The following PLCL2 variants were observed in gnomAD, a reference collection of about 807,000 sequenced individuals.
The protein encoded by PLCL2 is phospholipase C like 2, also known as inactive phospholipase C-like protein 2.
A neutral mutation model predicts 79.6 loss-of-function variants in PLCL2; 4 were observed. That is an observed-to-expected ratio of 0.05 (90% CI 0.02 to 0.11). PLCL2 has a LOEUF of 0.11. Ranked by LOEUF, PLCL2 falls within the 10% of genes least tolerant of loss-of-function variation. The pLI, the probability that PLCL2 is intolerant of heterozygous loss-of-function variation, is 1.00. For synonymous variants in PLCL2, 484 were observed against 457.7 expected, an observed-to-expected ratio of 1.06 and a Z score of -0.73; for missense variants, 895 against 1,291.0, an observed-to-expected ratio of 0.69 and a Z score of 4.70.
chr3:16,945,816 T>C (rs945090498), intron 1 of PLCL2, among the ~76,000 whole-genome samples: 2 of 152,228 alleles, frequency 1.3e-5, no homozygotes, highest in Admixed American at 1.3e-4. Context: ...GGTTCCACTT[T>C]ATGAATGAAG....
chr3:17,029,974 T>A (rs1301897278), intron 3 of PLCL2, among the ~76,000 whole-genome samples: 1 of 152,150 alleles, frequency 6.6e-6, no homozygotes, highest in Non-Finnish European at 1.5e-5. Context: ...ACCACCCAGG[T>A]ATGTATGCAT....
chr3:16,889,305 A>G (rs1267852950), intron 1 of PLCL2, among the ~76,000 whole-genome samples: 1 of 152,158 alleles, frequency 6.6e-6, no homozygotes, highest in African/African-American at 2.4e-5. Context: ...TTGCTTCCCC[A>G]CATTACAGTG....
intron 1 of PLCL2, among the ~76,000 whole-genome samples, chr3:16,922,718 AAAAT>A (rs1697151578): frequency 6.6e-6 from 1 of 151,792 alleles, no homozygotes; most frequent in East Asian, 1.9e-4. Flanking sequence ...CATAGTAATA[AAAAT>A]AAAAATATTA....
At chr3:16,938,267 T>C (rs749026090) in intron 1 of PLCL2, among the ~76,000 whole-genome samples, 4 of 152,238 alleles carry the variant, frequency 2.6e-5, no homozygotes, top group Non-Finnish European at 5.9e-5. Flanking sequence ...GTAAATACCT[T>C]GTAATGCAGT....
intron 1 of PLCL2, among the ~76,000 whole-genome samples, chr3:16,901,102 A>G (rs926467719): frequency 6.6e-6 from 1 of 152,182 alleles, no homozygotes; most frequent in African/African-American, 2.4e-5. Flanking sequence ...GCTTATTTTG[A>G]TAAGGCAGAG....
intron 5 of PLCL2, among the ~76,000 whole-genome samples, chr3:17,089,350 G>A (rs1055231814): frequency 6.6e-6 from 1 of 152,090 alleles, no homozygotes; most frequent in Non-Finnish European, 1.5e-5. Context: ...GTATCCTTCT[G>A]TGAGTTTATA....
intron 1 of PLCL2, among the ~76,000 whole-genome samples, chr3:16,960,072 T>TGCACC (rs1032687918): frequency 6.6e-6 from 1 of 151,850 alleles, no homozygotes; most frequent in Admixed American, 6.6e-5. Flanking sequence ...GCCACTGCAC[T>TGCACC]CCAGCGTGGG....
At chr3:17,019,627 T>C (rs1029085149) in intron 3 of PLCL2, among the ~76,000 whole-genome samples, 17 of 152,310 alleles carry the variant, frequency 1.1e-4, no homozygotes, top group African/African-American at 3.8e-4. Context: ...TTTTTGTTCT[T>C]GTGCCCCATA....
intron 3 of PLCL2, among the ~76,000 whole-genome samples, chr3:17,037,635 G>A (rs890823979): frequency 1.3e-5 from 2 of 151,848 alleles, no homozygotes; most frequent in Admixed American, 1.3e-4. Context: ...CTGAAACTGA[G>A]ATTCAAAACA....
At chr3:16,929,780 C>A (rs1238569947) in intron 1 of PLCL2, among the ~76,000 whole-genome samples, 1 of 152,174 alleles carries the variant, frequency 6.6e-6, no homozygotes, top group East Asian at 1.9e-4. Flanking sequence ...GACATAGGAA[C>A]TATTTGAGTA....
At chr3:16,901,424 A>G (rs147352230) in intron 1 of PLCL2, among the ~76,000 whole-genome samples, 2 of 152,336 alleles carry the variant, frequency 1.3e-5, no homozygotes, top group African/African-American at 4.8e-5. Flanking sequence ...CCAAGTCTGC[A>G]TCCTCGACTT....
At chr3:16,948,114 A>T (rs1349229459) in intron 1 of PLCL2, among the ~76,000 whole-genome samples, 1 of 152,252 alleles carries the variant, frequency 6.6e-6, no homozygotes, top group Non-Finnish European at 1.5e-5. Context: ...AAAGCAGCCC[A>T]AATATTCATC....
chr3:16,966,855 A>C (rs965967944), intron 1 of PLCL2, among the ~76,000 whole-genome samples: 49 of 151,796 alleles, frequency 3.2e-4, no homozygotes, highest in African/African-American at 1.1e-3. Flanking sequence ...TTGATGTGCA[A>C]ATTATTTCAT....
At chr3:16,994,369 T>G (rs1221274840) in intron 1 of PLCL2, among the ~76,000 whole-genome samples, 2 of 152,040 alleles carry the variant, frequency 1.3e-5, no homozygotes, top group African/African-American at 4.8e-5. Context: ...TGGCTTTTAA[T>G]TAAAAAAAAA....
intron 1 of PLCL2, among the ~76,000 whole-genome samples, chr3:16,970,058 A>ATTT (rs139259596): frequency 1.4e-5 from 2 of 145,756 alleles, no homozygotes; most frequent in East Asian, 2.0e-4. Context: ...ATATATATAT[A>ATTT]TTTTATTTTA....
intron 1 of PLCL2, among the ~76,000 whole-genome samples, chr3:16,962,494 C>G (rs928227001): frequency 6.7e-6 from 1 of 150,306 alleles, no homozygotes; most frequent in Non-Finnish European, 1.5e-5. Flanking sequence ...ATTAATAATT[C>G]AGAGTCAATT....
rs1329793040 is a variant in PLCL2 at position 16,970,582 on chromosome 3, T to C, written c.328-39092T>C. 2.7e-5 allele frequency among the ~76,000 whole-genome samples: 4 copies of C among 149,758 alleles called. No individual in the cohort carries two copies. In the Admixed American group the frequency reaches 2.7e-4, roughly 10 times the overall value. On this transcript the variant is annotated intron_variant, in intron 1 of 5. Coordinates refer to ENST00000615277, the MANE Select transcript of PLCL2 (RefSeq NM_001144382.2). ...AGTCCTTTGGGTATATACCCAATAA[T>C]GGGATGGCTGGGTCAAATGGTATTT...
intron 5 of PLCL2, chr3:17,081,134 G>T: frequency 1.5e-5 from 7 of 456,144 alleles, no homozygotes; most frequent in South Asian, 1.1e-4. Flanking sequence ...GGAGCAGGTG[G>T]TATCAGTGAA....
intron 3 of PLCL2, among the ~76,000 whole-genome samples, chr3:17,037,164 C>A (rs1321430010): frequency 6.6e-6 from 1 of 152,186 alleles, no homozygotes; most frequent in Non-Finnish European, 1.5e-5. Flanking sequence ...CTGTATTCAT[C>A]CCTGGAGTCC....
Sources: gnomAD v4.1 joint callset for allele counts (sites outside exome capture counted in the v4.1 genomes callset) on GRCh38, gnomAD v4.1.1 for gene constraint, MANE v1.5 for transcripts, NCBI Gene and HGNC (gene_info 2026-07-23, HGNC 2026-07-21) for gene names.